The following IFT27 variants were observed in gnomAD, a reference collection of about 807,000 sequenced individuals.
IFT27 encodes the protein intraflagellar transport 27.
A neutral mutation model predicts 23.9 loss-of-function variants in IFT27; 19 were observed. The ratio of observed to expected loss-of-function variants is 0.79; its 90% CI spans 0.55 to 1.16. The LOEUF is 1.16. IFT27 is among the 50% of genes most tolerant of loss of function. The pLI is 0.00. For synonymous variants in IFT27, 91 were observed against 89.1 expected (o/e 1.02, Z -0.12); for missense variants, 206 against 228.7 (o/e 0.90, Z 0.64).
intron 4 of IFT27, 113 bp downstream of exon 4, chr22:36,766,025 C>T (rs1938239441): frequency 1.1e-6 from 1 of 870,748 alleles, no homozygotes; most frequent in East Asian, 2.4e-5. Flanking sequence ...AGAGTAATGC[C>T]ATGGGAGCTT....
chr22:36,771,998 T>C (rs1938396097), intron 1 of IFT27, among the ~76,000 whole-genome samples: 1 of 152,228 alleles, frequency 6.6e-6, no homozygotes, highest in African/African-American at 2.4e-5. Context: ...TCTGCATTCC[T>C]GTTCGCCCAG....
At chr22:36,762,143 G>A (rs1010895056) in intron 6 of IFT27, 1 of 152,262 alleles carries the variant, frequency 6.6e-6, no homozygotes, top group South Asian at 2.1e-4. Flanking sequence ...GGAGTCTCAT[G>A]TGAGGGGTCT....
chr22:36,771,396 C>A (rs1442241685), intron 1 of IFT27, among the ~76,000 whole-genome samples: 2 of 152,166 alleles, frequency 1.3e-5, no homozygotes, highest in African/African-American at 4.8e-5. Flanking sequence ...GTCCTTGGTA[C>A]CAGGAGTGGT....
chr22:36,763,272 T>G, intron 5 of IFT27: 1 of 388,644 alleles, frequency 2.6e-6, no homozygotes, highest in Non-Finnish European at 4.6e-6. Context: ...TCTGTCTCCC[T>G]TGCCTCCTTA....
chr22:36,764,029 C>T lies in IFT27; in HGVS notation c.242G>A (p.Ser81Asn). The change falls in exon 5 of 7, where the codon AGT becomes AAT. Residue 81 changes from serine (S) to asparagine (N), a missense_variant. Ser to Asn is a conservative substitution (Grantham distance 46). Coordinates refer to ENST00000433985, the MANE Select transcript of IFT27 (RefSeq NM_001177701.3). ...FSEMLDKLWE[S>N]PNVLCLVYDV... Reference sequence around the variant, plus strand: ...ATAGACGAGACATAAGACATTGGGACTCTCCCACTGTGCAAGAGGGACAGG... The same window carrying T: ...ATAGACGAGACATAAGACATTGGGATTCTCCCACTGTGCAAGAGGGACAGG... 6.2e-7 allele frequency: 1 copy of T among 1,607,078 alleles called. No homozygotes were observed. The highest frequency in any genetic ancestry group is 2.2e-5 in the East Asian group (1 of 44,858).
Position 36,762,953 on chromosome 22 carries a change from G to A in IFT27, c.413C>T (p.Ala138Val). The A allele has an allele frequency of 6.2e-7, 1 of 1,600,972 alleles. No homozygotes were observed. Among genetic ancestry groups the A allele is most frequent in the Non-Finnish European group, 8.5e-7 (1 of 1,171,846 alleles). The stretch of plus-strand genomic sequence containing the variant: ...GCCCTGGCCCAGCGCCCATGCCCGG[G>A]CCTCAGCTGAGTCCACTGCTCGTCT... ...AGRRAVDSAE[A>V]RAWALGQGLE... is the part of the protein sequence containing the mutation. The change falls in exon 6 of 7, where the codon GCC becomes GTC. Residue 138 changes from alanine (A) to valine (V), a missense_variant. Physicochemically the swap from Ala to Val is moderately conservative, Grantham distance 64. Coordinates refer to ENST00000433985, the MANE Select transcript of IFT27 (RefSeq NM_001177701.3).
intron 1 of IFT27, among the ~76,000 whole-genome samples, chr22:36,774,776 C>T (rs5750304): frequency 0.76 from 114,697 of 151,442 alleles, 43,900 homozygotes; most frequent in Middle Eastern, 0.92. Flanking sequence ...TGCGCCACTG[C>T]CCTCCAGCCT....
At chr22:36,763,566 C>T in intron 5 of IFT27, 1 of 396,346 alleles carries the variant, frequency 2.5e-6, no homozygotes, top group Non-Finnish European at 4.8e-6. Flanking sequence ...GAAGTGACAA[C>T]AGGCTTGAAT....
intron 6 of IFT27, chr22:36,760,378 G>T (rs1364343240): frequency 4.6e-5 from 7 of 152,250 alleles, no homozygotes; most frequent in African/African-American, 1.7e-4. Context: ...ACCACGGCGT[G>T]CTTCTGAAAT....
In IFT27 at chr22:36,763,966, T is replaced by G. The variant is rs765067439; in HGVS notation, c.305A>C (p.Lys102Thr). ...TNEESFNNCS[K>T]WLEKARSQAP... ...CTGTGACCGAGCCTTCTCCAGCCACTTGCTGCAGTTGTTGAAGGATTCTTC... is the reference window on the plus strand; with the variant it reads ...CTGTGACCGAGCCTTCTCCAGCCACGTGCTGCAGTTGTTGAAGGATTCTTC... Residue 102 changes from lysine (K) to threonine (T), a missense_variant, in exon 5 of 7, where the codon AAG (lysine) becomes ACG (threonine). Physicochemically the swap from Lys to Thr is moderately conservative, Grantham distance 78. Coordinates refer to ENST00000433985, the MANE Select transcript of IFT27 (RefSeq NM_001177701.3). 3.1e-6 allele frequency: 5 copies of G among 1,614,214 alleles called. No individual in the cohort carries two copies. The highest frequency in any genetic ancestry group is 1.6e-4 in the Middle Eastern group (1 of 6,062).
At chr22:36,763,811 C>A in intron 5 of IFT27, 108 bp downstream of exon 5, 1 of 847,468 alleles carries the variant, frequency 1.2e-6, no homozygotes, top group East Asian at 2.5e-5. Flanking sequence ...CATCAAAGTC[C>A]AAGCCCAGGG....
chr22:36,758,679 G>A, intron 6 of IFT27: 1 of 463,792 alleles, frequency 2.2e-6, no homozygotes, highest in Non-Finnish European at 3.9e-6. Flanking sequence ...TTTCTACAAA[G>A]CCTGTGCTTT....
At chr22:36,763,074 G>T in intron 5 of IFT27, 61 bp from the exon 6 acceptor site, 1 of 1,258,038 alleles carries the variant, frequency 7.9e-7, no homozygotes, top group Non-Finnish European at 1.1e-6. Flanking sequence ...AGGACAGCGG[G>T]CGAGATGAGA....
Position 36,775,808 on chromosome 22 carries a change from G to A in IFT27, c.-101C>T, listed in dbSNP as rs1938488076. 1.7e-6 allele frequency: 2 copies of A among 1,199,908 alleles called. No individual in the cohort carries two copies. The highest frequency in any genetic ancestry group is 1.5e-5 in the African/African-American group (1 of 66,702). 74.3% of individuals were successfully genotyped at this position (1,199,908 alleles called of 1,614,324 possible). A position where few individuals can be genotyped will look rare whatever the true frequency, so the allele number is the denominator to read the frequency against. On this transcript the variant is annotated 5_prime_UTR_variant, in exon 1 of 7. Transcript: ENST00000433985. ...CCCTGGGCTGGCCTGGGACGGGAAGGTGGGGAGGGGAGGGCTGATCTCAAG... is the reference window on the plus strand; with the variant it reads ...CCCTGGGCTGGCCTGGGACGGGAAGATGGGGAGGGGAGGGCTGATCTCAAG...
At chr22:36,774,811 CAAAAAAA>C (rs547732984) in intron 1 of IFT27, among the ~76,000 whole-genome samples, 247 of 118,310 alleles carry the variant, frequency 2.1e-3, no homozygotes, top group Non-Finnish European at 3.6e-3. Context: ...GACTCCGTCT[CAAAAAAA>C]AAAAAAAAAA....
In IFT27 at chr22:36,773,484, TCCACTAAAAAATACAAAAAATTAGCTG is replaced by T. The variant is rs568887488; in HGVS notation, c.34+2163_34+2189del. On this transcript the variant is annotated intron_variant, in intron 1 of 6. Transcript: ENST00000433985. ...CTGGCTAACATGGTGAAACCCAGTC[TCCACTAAAAAATACAAAAAATTAGCTG>T]GGTATGGTGGTGGGCGCCTGTAATC... 1.3e-3 allele frequency among the ~76,000 whole-genome samples: 201 copies of T among 151,802 alleles called. 2 individuals are homozygous for T. Among genetic ancestry groups the T allele is most frequent in the Middle Eastern group, 6.8e-3 (2 of 292 alleles).
intron 3 of IFT27, 159 bp downstream of exon 3, chr22:36,767,147 T>G (rs1601498003): frequency 3.5e-6 from 2 of 563,590 alleles, no homozygotes; most frequent in East Asian, 3.2e-5. Flanking sequence ...ACCTCCTCAG[T>G]CCCTCCCTTG....
intron 6 of IFT27, chr22:36,759,068 A>C (rs1447452632): frequency 1.3e-5 from 2 of 152,518 alleles, no homozygotes; most frequent in East Asian, 3.8e-4. Flanking sequence ...AAGAATGAAC[A>C]GCCAGGAACT....
chr22:36,758,525 A>T (rs1349021198), intron 6 of IFT27, 116 bp from the exon 7 acceptor site: 6 of 771,384 alleles, frequency 7.8e-6, no homozygotes, highest in Non-Finnish European at 1.1e-5. Flanking sequence ...TTTCATCTTC[A>T]CGCCCTTCGA....
Sources: gnomAD v4.1 joint callset for allele counts (sites outside exome capture counted in the v4.1 genomes callset) on GRCh38, gnomAD v4.1.1 for gene constraint, MANE v1.5 for transcripts, NCBI Gene and HGNC (gene_info 2026-07-23, HGNC 2026-07-21) for gene names.